The following CSNK2A1 variants were observed in gnomAD, a reference collection of about 807,000 sequenced individuals.
CSNK2A1 encodes casein kinase 2 alpha 1.
Under a neutral mutation model 62.9 loss-of-function variants are expected in CSNK2A1, and 10 were observed. The observed-to-expected ratio is 0.16, with a 90% confidence interval of 0.10 to 0.27. The LOEUF is 0.27. Ranked by LOEUF, CSNK2A1 falls within the 10% of genes least tolerant of loss-of-function variation. CSNK2A1 has a pLI of 1.00. For synonymous variants in CSNK2A1, 124 were observed against 167.8 expected (o/e 0.74, Z 2.02); for missense variants, 160 against 492.0 (o/e 0.33, Z 6.38).
At chr20:518,557 A>AT (rs1479293657) in intron 2 of CSNK2A1, among the ~76,000 whole-genome samples, 2 of 151,540 alleles carry the variant, frequency 1.3e-5, no homozygotes, top group Non-Finnish European at 2.9e-5. Flanking sequence ...ATTATTTTTT[A>AT]TTTTTTTGAG....
At chr20:536,625 C>T (rs1363930560) in intron 1 of CSNK2A1, among the ~76,000 whole-genome samples, 1 of 152,196 alleles carries the variant, frequency 6.6e-6, no homozygotes, top group Admixed American at 6.5e-5. Flanking sequence ...CCTTCCCCTC[C>T]CTACCCGCAA....
intron 2 of CSNK2A1, among the ~76,000 whole-genome samples, chr20:509,720 C>T (rs1002466408): frequency 6.6e-6 from 1 of 152,064 alleles, no homozygotes; most frequent in Non-Finnish European, 1.5e-5. Flanking sequence ...AGACTACAGG[C>T]ACGCACCACC....
Position 479,793 on chromosome 20 carries a change from T to A in CSNK2A1, c.*4168A>T, listed in dbSNP as rs140468834. 28 of 152,344 alleles carry A rather than the reference T, an allele frequency of 1.8e-4. No homozygotes were observed. Among genetic ancestry groups the A allele is most frequent in the Admixed American group, 3.9e-4 (6 of 15,302 alleles). The allele number at this position is 152,344 out of a possible 1,614,324, so 9.4% of individuals were successfully genotyped here. Reference sequence around the variant, plus strand: ...TGAATTTCGTATTACACGTTGAGCATTTCTAATTTGAAAATACAAAATCCT... The same window carrying A: ...TGAATTTCGTATTACACGTTGAGCAATTCTAATTTGAAAATACAAAATCCT... On this transcript the variant is annotated 3_prime_UTR_variant, in exon 14 of 14. Transcript: ENST00000217244.
chr20:484,150 T>G (rs1205160943), intron 13 of CSNK2A1, 74 bp from the exon 14 acceptor site: 1 of 1,213,976 alleles, frequency 8.2e-7, no homozygotes, highest in Admixed American at 3.1e-5. Flanking sequence ...TAGCACTCAC[T>G]GCAAAAGGAA....
At chr20:484,850 T>C (rs1199665738) in intron 13 of CSNK2A1, among the ~76,000 whole-genome samples, 2 of 151,460 alleles carry the variant, frequency 1.3e-5, no homozygotes, top group Non-Finnish European at 2.9e-5. Context: ...GCGGATCACC[T>C]GAGGTCAGGA....
rs773114297 is a variant in CSNK2A1 at position 543,775 on chromosome 20, G to A, written c.-330C>T. The A allele has an allele frequency of 2.3e-5, 9 of 398,456 alleles. No homozygotes were observed. The East Asian group carries it at 2.5e-4, about 11-fold the overall frequency. The allele number at this position is 398,456 out of a possible 1,614,324, so 24.7% of individuals were successfully genotyped here. On this transcript the variant is annotated 5_prime_UTR_variant, in exon 1 of 14. Coordinates refer to ENST00000217244, the MANE Select transcript of CSNK2A1 (RefSeq NM_177559.3). Reference sequence around the variant, plus strand: ...CACACGGCTCGGCCGCCAGCCGCAGGGACCAGAGCGAGGCTGCAGCCGCTG... The same window carrying A: ...CACACGGCTCGGCCGCCAGCCGCAGAGACCAGAGCGAGGCTGCAGCCGCTG...
At chr20:517,125 G>A (rs1022498717) in intron 2 of CSNK2A1, among the ~76,000 whole-genome samples, 13 of 152,186 alleles carry the variant, frequency 8.5e-5, no homozygotes, top group Non-Finnish European at 1.3e-4. Context: ...GGAACTCAGC[G>A]AGACCTTAAA....
intron 2 of CSNK2A1, among the ~76,000 whole-genome samples, chr20:509,146 G>A (rs1207951657): frequency 6.6e-6 from 1 of 152,162 alleles, no homozygotes; most frequent in African/African-American, 2.4e-5. Context: ...ATAAAGGCTT[G>A]TTCTCATACA....
chr20:532,169 C>CT (rs1327080907), intron 1 of CSNK2A1, among the ~76,000 whole-genome samples: 204 of 145,504 alleles, frequency 1.4e-3, no homozygotes, highest in Middle Eastern at 3.5e-3. Flanking sequence ...AAACTTTTAA[C>CT]TTTTTTTTTT....
At chr20:498,415 A>G (rs1326458414) in intron 6 of CSNK2A1, 1 of 142,648 alleles carries the variant, frequency 7.0e-6, no homozygotes, top group Non-Finnish European at 1.5e-5. Context: ...ATCATAACTC[A>G]CTGCAACCTC....
chr20:542,643 G>A (rs6139524), intron 1 of CSNK2A1, among the ~76,000 whole-genome samples: 1 of 152,180 alleles, frequency 6.6e-6, no homozygotes, highest in Non-Finnish European at 1.5e-5. Flanking sequence ...GTGTTGGTCA[G>A]GCTGGTCTCG....
intron 2 of CSNK2A1, among the ~76,000 whole-genome samples, chr20:519,733 GAA>G (rs1224753527): frequency 6.6e-6 from 1 of 151,506 alleles, no homozygotes; most frequent in African/African-American, 2.4e-5. Context: ...TGTCTCTAAA[GAA>G]AAAAGAAAAA....
At chr20:505,647 C>G (rs940031439) in intron 3 of CSNK2A1, among the ~76,000 whole-genome samples, 2 of 149,882 alleles carry the variant, frequency 1.3e-5, no homozygotes, top group Non-Finnish European at 3.0e-5. Flanking sequence ...CAGGCGTGAG[C>G]CACCGCGCCT....
chr20:498,572 A>C (rs765879705), intron 6 of CSNK2A1: 5 of 151,888 alleles, frequency 3.3e-5, no homozygotes, highest in African/African-American at 7.3e-5. Flanking sequence ...TATCATTCTG[A>C]CTCTAAAGCA....
rs2019163004 is a variant in CSNK2A1 at position 529,299 on chromosome 20, T to TACA, written c.-226-1253_-226-1251dup. Among the ~76,000 whole-genome samples, 5 of 152,242 alleles carry TACA rather than the reference T, an allele frequency of 3.3e-5. No individual in the cohort carries two copies. In the South Asian group the frequency reaches 8.3e-4, roughly 25 times the overall value. ...CCTTACCCTCCCAAAGTGCTGGGAT[T>TACA]ACAGGCATGAGCCATTGCACCCAGC... On this transcript the variant is annotated intron_variant, in intron 1 of 13. Coordinates refer to ENST00000217244, the MANE Select transcript of CSNK2A1 (RefSeq NM_177559.3).
At chr20:501,109 G>A (rs2018459555) in intron 4 of CSNK2A1, 1 of 150,702 alleles carries the variant, frequency 6.6e-6, no homozygotes, top group Non-Finnish European at 1.5e-5. Flanking sequence ...CTGTCGCCCA[G>A]GCTGGAGTGT....
chr20:503,948 C>T (rs1386448424), intron 4 of CSNK2A1, among the ~76,000 whole-genome samples: 6 of 152,172 alleles, frequency 3.9e-5, no homozygotes, highest in African/African-American at 9.7e-5. Flanking sequence ...GAGGCCGAGG[C>T]GGGCGGATCA....
In CSNK2A1 at chr20:531,080, G is replaced by A. The variant is rs375028544; in HGVS notation, c.-226-3031C>T. On this transcript the variant is annotated intron_variant, in intron 1 of 13. Transcript: ENST00000217244. ...GCCTGGGTGAAAAGAGTGAAATTCCGTCTCAAAAAACAAAAGAAAAGGTAT... is the reference window on the plus strand; with the variant it reads ...GCCTGGGTGAAAAGAGTGAAATTCCATCTCAAAAAACAAAAGAAAAGGTAT... 2.0e-4 allele frequency among the ~76,000 whole-genome samples: 30 copies of A among 151,870 alleles called. No individual in the cohort carries two copies. The East Asian group carries it at 2.3e-3, about 12-fold the overall frequency.
chr20:490,353 G>GTTTTTTTTTTTTTTT (rs373775413), intron 9 of CSNK2A1, among the ~76,000 whole-genome samples: 5 of 53,488 alleles, frequency 9.3e-5, no homozygotes, highest in African/African-American at 4.4e-4. Flanking sequence ...TTTTTTTTTA[G>GTTTTTTTTTTTTTTT]TTTTTTTTTT....
Sources: gnomAD v4.1 joint callset for allele counts (sites outside exome capture counted in the v4.1 genomes callset) on GRCh38, gnomAD v4.1.1 for gene constraint, MANE v1.5 for transcripts, NCBI Gene and HGNC (gene_info 2026-07-23, HGNC 2026-07-21) for gene names.